The following C4orf33 variants were observed in gnomAD, a reference collection of about 807,000 sequenced individuals.
C4orf33 encodes UPF0462 protein C4orf33.
C4orf33 carries 20 observed loss-of-function variants against 24.3 expected under a neutral mutation model. The observed-to-expected ratio is 0.82, with a 90% CI of 0.58 to 1.19. C4orf33 has a LOEUF of 1.19. Ranked by LOEUF, C4orf33 falls within the 50% of genes most tolerant of loss-of-function variation. The pLI, the probability that C4orf33 is intolerant of heterozygous loss-of-function variation, is 0.00. For missense variants in C4orf33, 207 were observed against 225.9 expected, an observed-to-expected ratio of 0.92 and a Z score of 0.54; for synonymous variants, 67 against 76.4, an observed-to-expected ratio of 0.88 and a Z score of 0.64.
chr4:129,106,072 A>G (rs2125802374), intron 2 of C4orf33, among the ~76,000 whole-genome samples: 1 of 152,254 alleles, frequency 6.6e-6, no homozygotes, highest in South Asian at 2.1e-4. Flanking sequence ...TAATAGCTGC[A>G]TTGTATTCCA....
In C4orf33 at chr4:129,115,810, A is replaced by ATATATATATATATAATATATATATGTT. The variant is rs1561094903; in HGVS notation, c.*4033_*4034insATATATATATGTTTATATATATATATA. ...ACAAATCTTCTAACTAAATATATAT[A>ATATATATATATATAATATATATATGTT]TATATATATATATATATATAAAATA... On this transcript the variant is annotated 3_prime_UTR_variant, in exon 6 of 6. Coordinates refer to ENST00000425929, the MANE Select transcript of C4orf33 (RefSeq NM_001099783.2). 3.2e-5 allele frequency: 4 copies of ATATATATATATATAATATATATATGTT among 124,042 alleles called. No homozygotes were observed. The highest frequency in any genetic ancestry group is 1.3e-4 in the African/African-American group (4 of 31,626). 7.7% of individuals were successfully genotyped at this position (124,042 alleles called of 1,614,324 possible). A position where few individuals can be genotyped will look rare whatever the true frequency, so the allele number is the denominator to read the frequency against.
rs117785390 is a variant in C4orf33 at position 129,097,843 on chromosome 4, T to C, written c.-10+1634T>C. Among the ~76,000 whole-genome samples, 137 of 152,362 alleles carry C rather than the reference T, an allele frequency of 9.0e-4. 2 individuals are homozygous for C. In the East Asian group the frequency reaches 0.026, roughly 28 times the overall value. On this transcript the variant is annotated intron_variant, in intron 1 of 5. Coordinates refer to ENST00000425929, the MANE Select transcript of C4orf33 (RefSeq NM_001099783.2). ...CATTAACACAGCTTGTTGTCAGACT[T>C]TCTGATCCTTGCCAATCTAAGTGAA...
intron 1 of C4orf33, among the ~76,000 whole-genome samples, chr4:129,097,331 G>A (rs1010045647): frequency 2.6e-5 from 4 of 152,210 alleles, no homozygotes; most frequent in African/African-American, 9.7e-5. Flanking sequence ...TCCCATATCT[G>A]CAGGCAGATA....
At chr4:129,097,695 T>C (rs555258168) in intron 1 of C4orf33, among the ~76,000 whole-genome samples, 16 of 152,356 alleles carry the variant, frequency 1.1e-4, no homozygotes, top group African/African-American at 3.6e-4. Context: ...CTCCTAGAAC[T>C]AGACTTATTT....
At chr4:129,098,830 A>G (rs1457910318) in intron 1 of C4orf33, among the ~76,000 whole-genome samples, 1 of 152,210 alleles carries the variant, frequency 6.6e-6, no homozygotes, top group Admixed American at 6.5e-5. Flanking sequence ...TTTAAACCAT[A>G]TAAGGTAACT....
rs1317561766 is a variant in C4orf33 at position 129,115,820 on chromosome 4, ATAT to A, written c.*4030_*4032del. 1 of 94,230 alleles carries A rather than the reference ATAT, an allele frequency of 1.1e-5. No individual in the cohort carries two copies. The allele number at this position is 94,230 out of a possible 1,614,324, so 5.8% of individuals were successfully genotyped here. ...TAACTAAATATATATATATATATATATATATATATAAAATATATATGTTTATAT... is the reference window on the plus strand; with the variant it reads ...TAACTAAATATATATATATATATATAATATATAAAATATATATGTTTATAT... On this transcript the variant is annotated 3_prime_UTR_variant, in exon 6 of 6. Transcript: ENST00000425929.
rs1753724738 is a variant in C4orf33 at position 129,113,192 on chromosome 4, T to G, written c.*1401T>G. ...AATCACAACAATATAAAATACTGAA[T>G]TTGAATGTTGTAGCTTGTGAGCTTT... On this transcript the variant is annotated 3_prime_UTR_variant, in exon 6 of 6. Transcript: ENST00000425929. 1 of 152,156 alleles carries G rather than the reference T, an allele frequency of 6.6e-6. No individual in the cohort carries two copies. The highest frequency in any genetic ancestry group is 2.1e-4 in the South Asian group (1 of 4,828). 9.4% of individuals were successfully genotyped at this position (152,156 alleles called of 1,614,324 possible).
In C4orf33 at chr4:129,111,536, A is replaced by G. The variant is rs1753690332; in HGVS notation, c.495-150A>G. The G allele has an allele frequency of 2.8e-5, 14 of 499,618 alleles. No individual in the cohort carries two copies. The South Asian group carries it at 4.9e-4, about 17-fold the overall frequency. The allele number at this position is 499,618 out of a possible 1,614,324, so 30.9% of individuals were successfully genotyped here. A position where few individuals can be genotyped will look rare whatever the true frequency, so the allele number is the denominator to read the frequency against. On this transcript the variant is annotated intron_variant, in intron 5 of 5. Coordinates refer to ENST00000425929, the MANE Select transcript of C4orf33 (RefSeq NM_001099783.2). ...GAGTGTTTGACAGCTAGAGTGAGAA[A>G]ACTGTACATATAAAATATATCTTAC...
intron 1 of C4orf33, among the ~76,000 whole-genome samples, chr4:129,101,292 C>T (rs1186557481): frequency 6.6e-6 from 1 of 152,120 alleles, no homozygotes; most frequent in African/African-American, 2.4e-5. Context: ...GTTTTCAATA[C>T]GTATTCACTG....
In C4orf33 at chr4:129,102,790, A is replaced by G. The variant is rs141843479; in HGVS notation, c.180A>G (p.Glu60=). 2.9e-5 allele frequency: 47 copies of G among 1,610,232 alleles called. 1 individual carries two copies. The highest frequency in any genetic ancestry group is 3.3e-4 in the Middle Eastern group (2 of 6,058). Residue 60 remains glutamate, a splice_region_variant and synonymous_variant, in exon 2 of 6, where the codon GAA becomes GAG. Transcript: ENST00000425929. Reference sequence around the variant, plus strand: ...CTTTCAATGAACTGTGGGATTATGAAGGTAAGTGGAAGTACTGTATTTTAT... The same window carrying G: ...CTTTCAATGAACTGTGGGATTATGAGGGTAAGTGGAAGTACTGTATTTTAT... The part of the protein sequence containing the change: ...GKPFNELWDY[E]VVEAFFLNDI...
At chr4:129,102,133 A>G (rs1422796501) in intron 1 of C4orf33, 1 of 152,200 alleles carries the variant, frequency 6.6e-6, no homozygotes, top group African/African-American at 2.4e-5. Flanking sequence ...ACACCTGCAC[A>G]CTTTACAATA....
intron 5 of C4orf33, among the ~76,000 whole-genome samples, chr4:129,110,911 G>T (rs1303035103): frequency 1.3e-5 from 2 of 151,754 alleles, no homozygotes; most frequent in Non-Finnish European, 2.9e-5. Flanking sequence ...ACTTATCCTG[G>T]CCAGGTGGGC....
At chr4:129,098,696 C>G (rs1423263407) in intron 1 of C4orf33, among the ~76,000 whole-genome samples, 2 of 152,186 alleles carry the variant, frequency 1.3e-5, no homozygotes, top group Non-Finnish European at 2.9e-5. Flanking sequence ...AGCAGCAGCT[C>G]CCATGAATTG....
chr4:129,106,621 G>A lies in C4orf33; in HGVS notation c.216G>A (p.Glu72=). The A allele has an allele frequency of 4.5e-6, 7 of 1,544,078 alleles. No individual in the cohort carries two copies. Among genetic ancestry groups the A allele is most frequent in the Non-Finnish European group, 6.2e-6 (7 of 1,131,660 alleles). ...VEAFFLNDIT[E]QYLEVELCPH... ...CATTTTTCTTGAATGATATAACTGA[G>A]CAATATTTAGAAGTTGAACTTTGTC... The change falls in exon 3 of 6, where the codon GAG becomes GAA. Residue 72 remains glutamate (E), a synonymous_variant. Coordinates refer to ENST00000425929, the MANE Select transcript of C4orf33 (RefSeq NM_001099783.2).
chr4:129,109,912 T>G (rs1484190341), intron 5 of C4orf33: 2 of 1,140,490 alleles, frequency 1.8e-6, no homozygotes, highest in Non-Finnish European at 2.3e-6. Flanking sequence ...AGAAAAGTGT[T>G]GTTTGCATGT....
At position 129,109,080 on chromosome 4, in the gene C4orf33, G is replaced by A. The variant is rs181680398; in HGVS notation, c.243-227G>A. 3.5e-4 allele frequency among the ~76,000 whole-genome samples: 54 copies of A among 152,186 alleles called. No individual in the cohort carries two copies. In the Middle Eastern group the frequency reaches 0.01, roughly 29 times the overall value. ...TTTTTCTTTGTATTTTAGTAGAGAC[G>A]GAGTTTCACCATGTTGGCCAGGATG... On this transcript the variant is annotated intron_variant, in intron 3 of 5. Coordinates refer to ENST00000425929, the MANE Select transcript of C4orf33 (RefSeq NM_001099783.2).
At chr4:129,110,731 C>T (rs1283510093) in intron 5 of C4orf33, among the ~76,000 whole-genome samples, 1 of 152,176 alleles carries the variant, frequency 6.6e-6, no homozygotes, top group Non-Finnish European at 1.5e-5. Context: ...TTTATCACTT[C>T]TAGCATATTT....
Position 129,102,809 on chromosome 4 carries a change from A to G in C4orf33, c.181+18A>G. 6.3e-7 allele frequency: 1 copy of G among 1,589,106 alleles called. No individual in the cohort carries two copies. The highest frequency in any genetic ancestry group is 1.1e-5 in the South Asian group (1 of 87,354). On this transcript the variant is annotated intron_variant, in intron 2 of 5. Coordinates refer to ENST00000425929, the MANE Select transcript of C4orf33 (RefSeq NM_001099783.2). The stretch of plus-strand genomic sequence containing the variant: ...TTATGAAGGTAAGTGGAAGTACTGT[A>G]TTTTATTGCAAACATAAATCTTCTT...
At chr4:129,096,261 G>C (rs1753202779) in intron 1 of C4orf33, 52 bp downstream of exon 1, 1 of 152,078 alleles carries the variant, frequency 6.6e-6, no homozygotes. Context: ...TTTCGTCGTC[G>C]CCAGGTCTTG....
Sources: gnomAD v4.1 joint callset for allele counts (sites outside exome capture counted in the v4.1 genomes callset) on GRCh38, gnomAD v4.1.1 for gene constraint, MANE v1.5 for transcripts, NCBI Gene and HGNC (gene_info 2026-07-23, HGNC 2026-07-21) for gene names.